Variants in PPM1L observed in about 807,000 individuals in gnomAD.
PPM1L encodes protein phosphatase 1L.
Under a neutral mutation model 31.4 loss-of-function variants are expected in PPM1L, and 13 were observed. The ratio of observed to expected loss-of-function variants is 0.41; its 90% CI spans 0.27 to 0.66. The LOEUF (loss-of-function observed/expected upper bound fraction) is 0.66. PPM1L is among the 30% of genes least tolerant of loss of function. The pLI is 0.29. For missense variants in PPM1L, 326 were observed against 453.7 expected (o/e 0.72, Z 2.56); for synonymous variants, 184 against 175.4 (o/e 1.05, Z -0.39).
intron 1 of PPM1L, among the ~76,000 whole-genome samples, chr3:160,785,717 C>T (rs1235206227): frequency 6.6e-6 from 1 of 152,114 alleles, no homozygotes; most frequent in African/African-American, 2.4e-5. Flanking sequence ...GCTCAGTATT[C>T]CATTGTGTGA....
rs1370790815 is a variant in PPM1L, at chr3:161,072,540, T to C, written c.*3383T>C. ...GAGAGTGATGGCATCATCATTTCAA[T>C]TGAATCTGAAGTGATTCTAGGAAAT... On this transcript the variant is annotated 3_prime_UTR_variant, in exon 4 of 4. Transcript: ENST00000498165. 1 of 152,262 alleles carries C rather than the reference T, an allele frequency of 6.6e-6. No individual in the cohort carries two copies. The highest frequency in any genetic ancestry group is 1.5e-5 in the Non-Finnish European group (1 of 68,048). 9.4% of individuals were successfully genotyped at this position (152,262 alleles called of 1,614,324 possible). A position where few individuals can be genotyped will look rare whatever the true frequency, so the allele number is the denominator to read the frequency against.
intron 2 of PPM1L, among the ~76,000 whole-genome samples, chr3:160,994,757 C>A (rs907674819): frequency 6.6e-6 from 1 of 152,070 alleles, no homozygotes; most frequent in Non-Finnish European, 1.5e-5. Context: ...AAATAATGAA[C>A]AAATGACTAT....
chr3:161,046,122 A>AAAAAAAAAAAAAAAAAAAAC, intron 2 of PPM1L, among the ~76,000 whole-genome samples: 1 of 150,412 alleles, frequency 6.6e-6, no homozygotes, highest in Non-Finnish European at 1.5e-5. Context: ...AAAAAAAAAA[A>AAAAAAAAAAAAAAAAAAAAC]AAAAAAAAAA....
chr3:160,859,375 G>A (rs1016511115), intron 1 of PPM1L, among the ~76,000 whole-genome samples: 5 of 152,188 alleles, frequency 3.3e-5, no homozygotes, highest in African/African-American at 1.2e-4. Context: ...TACATTGCAT[G>A]ATTCCTTGCC....
At position 160,819,402 on chromosome 3, in the gene PPM1L, C is replaced by T. The variant is rs538258007; in HGVS notation, c.399+62695C>T. On this transcript the variant is annotated intron_variant, in intron 1 of 3. Transcript: ENST00000498165. ...AGCATTGTTGAAGGCAAGGTATTTT[C>T]GCCTTTCCAAAACTCATTTTCCTGT... 2.6e-5 allele frequency among the ~76,000 whole-genome samples: 4 copies of T among 152,030 alleles called. No homozygotes were observed. The East Asian group carries it at 5.8e-4, about 22-fold the overall frequency.
At chr3:160,814,588 CACAT>C (rs1172920862) in intron 1 of PPM1L, among the ~76,000 whole-genome samples, 19 of 115,774 alleles carry the variant, frequency 1.6e-4, no homozygotes, top group Non-Finnish European at 3.5e-4. Context: ...TATATACACA[CACAT>C]ATGTATGTAT....
At chr3:160,991,589 C>T (rs778649) in intron 2 of PPM1L, among the ~76,000 whole-genome samples, 96,998 of 151,962 alleles carry the variant, frequency 0.64, 33,708 homozygotes, top group East Asian at 0.98. Flanking sequence ...ATGTTCTTTC[C>T]GGGATTAATC....
chr3:160,816,644 T>C (rs1344746709), intron 1 of PPM1L, among the ~76,000 whole-genome samples: 1 of 152,042 alleles, frequency 6.6e-6, no homozygotes, highest in Non-Finnish European at 1.5e-5. Context: ...CCCAAGGCCC[T>C]GTGTAGCTTC....
In PPM1L at chr3:160,922,631, G is replaced by A. The variant is rs1714454628; in HGVS notation, c.400-39105G>A. On this transcript the variant is annotated intron_variant, in intron 1 of 3. Coordinates refer to ENST00000498165, the MANE Select transcript of PPM1L (RefSeq NM_139245.4). Reference sequence around the variant, plus strand: ...TTCTCAGGACCATACAACTCTAACAGATACTTACAATGAGATAGATTGAAT... The same window carrying A: ...TTCTCAGGACCATACAACTCTAACAAATACTTACAATGAGATAGATTGAAT... Among the ~76,000 whole-genome samples the A allele has an allele frequency of 2.6e-5, 4 of 152,266 alleles. No homozygotes were observed. In the South Asian group the frequency reaches 8.3e-4, roughly 32 times the overall value.
At chr3:160,810,437 T>G (rs1324697868) in intron 1 of PPM1L, among the ~76,000 whole-genome samples, 1 of 152,242 alleles carries the variant, frequency 6.6e-6, no homozygotes, top group African/African-American at 2.4e-5. Flanking sequence ...TGGAGTCTTC[T>G]GGTTTCCAAC....
In PPM1L at chr3:161,073,524, T is replaced by C. The variant is rs1390928999; in HGVS notation, c.*4367T>C. The stretch of plus-strand genomic sequence containing the variant: ...TAATATGACCAACAGCAGCCTCATA[T>C]TGATAGCAGAACAATCCTACTTAAA... On this transcript the variant is annotated 3_prime_UTR_variant, in exon 4 of 4. Coordinates refer to ENST00000498165, the MANE Select transcript of PPM1L (RefSeq NM_139245.4). 6.6e-6 allele frequency: 1 copy of C among 152,126 alleles called. No homozygotes were observed. Among genetic ancestry groups the C allele is most frequent in the African/African-American group, 2.4e-5 (1 of 41,424 alleles). The allele number at this position is 152,126 out of a possible 1,614,324, so 9.4% of individuals were successfully genotyped here.
At chr3:160,869,948 A>C (rs1369285730) in intron 1 of PPM1L, among the ~76,000 whole-genome samples, 2 of 152,142 alleles carry the variant, frequency 1.3e-5, no homozygotes, top group African/African-American at 4.8e-5. Context: ...TGCTAGAATC[A>C]CGTGCTGCCC....
intron 1 of PPM1L, among the ~76,000 whole-genome samples, chr3:160,768,972 A>G (rs887747591): frequency 1.3e-5 from 2 of 152,234 alleles, no homozygotes; most frequent in African/African-American, 4.8e-5. Flanking sequence ...ATCCAGAGAC[A>G]TGAGCAGGAA....
At chr3:160,890,817 G>A (rs528370904) in intron 1 of PPM1L, among the ~76,000 whole-genome samples, 35 of 152,078 alleles carry the variant, frequency 2.3e-4, no homozygotes, top group African/African-American at 7.7e-4. Context: ...CAGAAATAAC[G>A]CCACACATCT....
chr3:160,923,719 A>G (rs1714495070), intron 1 of PPM1L, among the ~76,000 whole-genome samples: 1 of 152,204 alleles, frequency 6.6e-6, no homozygotes, highest in African/African-American at 2.4e-5. Flanking sequence ...TGGGTTGGAA[A>G]TTCAGACAGT....
At chr3:160,862,666 A>G (rs1011779914) in intron 1 of PPM1L, among the ~76,000 whole-genome samples, 118 of 125,916 alleles carry the variant, frequency 9.4e-4, no homozygotes, top group Admixed American at 2.2e-3. Flanking sequence ...GCACACGCAC[A>G]CACACACACA....
At chr3:160,822,272 T>C (rs1384711365) in intron 1 of PPM1L, among the ~76,000 whole-genome samples, 2 of 152,010 alleles carry the variant, frequency 1.3e-5, no homozygotes, top group Non-Finnish European at 2.9e-5. Flanking sequence ...TTAGTGTTTT[T>C]AAAAAGACAA....
At chr3:160,940,559 G>A (rs768847999) in intron 1 of PPM1L, among the ~76,000 whole-genome samples, 13 of 152,324 alleles carry the variant, frequency 8.5e-5, no homozygotes, top group Middle Eastern at 6.8e-3. Context: ...TGTACAGCTC[G>A]GGCTGTGGCT....
intron 2 of PPM1L, among the ~76,000 whole-genome samples, chr3:161,009,789 T>A (rs193121869): frequency 2.0e-5 from 3 of 152,308 alleles, no homozygotes; most frequent in Admixed American, 2.0e-4. Flanking sequence ...AGCTGTAAGT[T>A]ATATGTCCTA....
Sources: gnomAD v4.1 joint callset for allele counts (sites outside exome capture counted in the v4.1 genomes callset) on GRCh38, gnomAD v4.1.1 for gene constraint, MANE v1.5 for transcripts, NCBI Gene and HGNC (gene_info 2026-07-23, HGNC 2026-07-21) for gene names.